Variants in SLC24A3 observed in about 807,000 individuals in gnomAD.
SLC24A3 encodes solute carrier family 24 member 3, also known as sodium/potassium/calcium exchanger 3.
Under a neutral mutation model 75.8 loss-of-function variants are expected in SLC24A3, and 28 were observed. The ratio of observed to expected loss-of-function variants is 0.37; its 90% CI spans 0.27 to 0.51. The LOEUF (loss-of-function observed/expected upper bound fraction) is 0.51. Ranked by LOEUF, SLC24A3 falls within the 20% of genes least tolerant of loss-of-function variation. The pLI is 0.94. For missense variants in SLC24A3, 663 were observed against 847.8 expected, an observed-to-expected ratio of 0.78 and a Z score of 2.71; for synonymous variants, 372 against 334.1, an observed-to-expected ratio of 1.11 and a Z score of -1.24.
intron 1 of SLC24A3, among the ~76,000 whole-genome samples, chr20:19,270,510 A>T (rs766991788): frequency 3.3e-5 from 5 of 152,150 alleles, no homozygotes; most frequent in Admixed American, 6.5e-5. Context: ...GGTTCTGGTG[A>T]GGGCCCTCTT....
intron 2 of SLC24A3, among the ~76,000 whole-genome samples, chr20:19,380,243 G>T (rs1158078862): frequency 6.6e-6 from 1 of 152,166 alleles, no homozygotes; most frequent in Non-Finnish European, 1.5e-5. Flanking sequence ...AAGGTTGCGG[G>T]AAGGCCTGTT....
At chr20:19,266,018 G>A (rs956126260) in intron 1 of SLC24A3, 12 of 152,652 alleles carry the variant, frequency 7.9e-5, no homozygotes, top group African/African-American at 2.7e-4. Context: ...AAAATCTGAG[G>A]TTGATTCTAA....
chr20:19,434,797 G>T, intron 2 of SLC24A3, among the ~76,000 whole-genome samples: 1 of 151,676 alleles, frequency 6.6e-6, no homozygotes. Flanking sequence ...TGCCTAATTA[G>T]GGAGAGTCAC....
intron 2 of SLC24A3, among the ~76,000 whole-genome samples, chr20:19,424,785 C>T (rs1286786508): frequency 7.0e-6 from 1 of 143,218 alleles, no homozygotes; most frequent in Non-Finnish European, 1.5e-5. Context: ...GAGCATAGGT[C>T]TCTAGGAGAA....
At chr20:19,588,527 T>A (rs190273301) in intron 6 of SLC24A3, among the ~76,000 whole-genome samples, 2 of 152,352 alleles carry the variant, frequency 1.3e-5, no homozygotes, top group Non-Finnish European at 2.9e-5. Flanking sequence ...TAACCCTCGC[T>A]TTGGTGTTCA....
chr20:19,217,487 C>T (rs1427129490), intron 1 of SLC24A3, among the ~76,000 whole-genome samples: 1 of 152,206 alleles, frequency 6.6e-6, no homozygotes, highest in Non-Finnish European at 1.5e-5. Flanking sequence ...TTTGAAATAT[C>T]TTCCATTCAT....
rs1175600664 is a variant in SLC24A3 at position 19,519,066 on chromosome 20, C to T, written c.348+3502C>T. Among the ~76,000 whole-genome samples, 3 of 152,154 alleles carry T rather than the reference C, an allele frequency of 2.0e-5. No homozygotes were observed. In the East Asian group the frequency reaches 5.8e-4, roughly 29 times the overall value. On this transcript the variant is annotated intron_variant, in intron 3 of 16. Transcript: ENST00000328041. ...AGAGAGGGCCATGGGGCTGTCTTTTCCTGGGGTTCACTGCTCGTAGTCATG... is the reference window on the plus strand; with the variant it reads ...AGAGAGGGCCATGGGGCTGTCTTTTTCTGGGGTTCACTGCTCGTAGTCATG...
chr20:19,559,080 C>T (rs1398312276), intron 3 of SLC24A3, among the ~76,000 whole-genome samples: 3 of 152,202 alleles, frequency 2.0e-5, no homozygotes, highest in Admixed American at 6.5e-5. Context: ...CTTTCACACT[C>T]CCACCAGCAA....
chr20:19,525,212 C>T (rs1158868456), intron 3 of SLC24A3, among the ~76,000 whole-genome samples: 2 of 152,292 alleles, frequency 1.3e-5, no homozygotes, highest in East Asian at 1.9e-4. Flanking sequence ...AGAGAAGCTT[C>T]CCTATCCCAG....
At chr20:19,306,653 G>C (rs568681597) in intron 2 of SLC24A3, among the ~76,000 whole-genome samples, 6 of 152,004 alleles carry the variant, frequency 3.9e-5, no homozygotes, top group Non-Finnish European at 7.4e-5. Flanking sequence ...TAAACATTGG[G>C]TACACATGGA....
intron 2 of SLC24A3, among the ~76,000 whole-genome samples, chr20:19,475,657 A>G (rs1427156177): frequency 2.0e-5 from 3 of 152,224 alleles, no homozygotes; most frequent in African/African-American, 7.2e-5. Context: ...TAAAATAAAT[A>G]GGAATTGACT....
Position 19,661,490 on chromosome 20 carries a change from A to T in SLC24A3, c.688-4374A>T, listed in dbSNP as rs569051789. On this transcript the variant is annotated intron_variant, in intron 7 of 16. Coordinates refer to ENST00000328041, the MANE Select transcript of SLC24A3 (RefSeq NM_020689.4). ...AGCTGAAGAAGTGAGAACTACACCC[A>T]CTCAAGGGAGTTCCCGTGATATTGA... Among the ~76,000 whole-genome samples the T allele has an allele frequency of 3.9e-5, 6 of 152,122 alleles. No homozygotes were observed. In the East Asian group the frequency reaches 1.2e-3, roughly 29 times the overall value.
chr20:19,532,267 A>T (rs141879197), intron 3 of SLC24A3, among the ~76,000 whole-genome samples: 1 of 152,354 alleles, frequency 6.6e-6, no homozygotes, highest in East Asian at 1.9e-4. Context: ...GCCAGCCTCA[A>T]GTCAAGCACA....
At chr20:19,410,396 G>A (rs2122419289) in intron 2 of SLC24A3, among the ~76,000 whole-genome samples, 1 of 152,288 alleles carries the variant, frequency 6.6e-6, no homozygotes, top group Middle Eastern at 3.4e-3. Context: ...ATGCATCTCA[G>A]GACACATTTA....
intron 2 of SLC24A3, among the ~76,000 whole-genome samples, chr20:19,438,332 C>T (rs1199123145): frequency 6.6e-6 from 1 of 152,128 alleles, no homozygotes; most frequent in Non-Finnish European, 1.5e-5. Flanking sequence ...TTTGTACAGC[C>T]GTTATTTCTG....
chr20:19,341,717 C>A (rs1985276814), intron 2 of SLC24A3, among the ~76,000 whole-genome samples: 1 of 152,192 alleles, frequency 6.6e-6, no homozygotes, highest in African/African-American at 2.4e-5. Flanking sequence ...AGTTTCCCAT[C>A]CTGTAGACCC....
chr20:19,314,777 T>C (rs1984545392), intron 2 of SLC24A3, among the ~76,000 whole-genome samples: 1 of 152,224 alleles, frequency 6.6e-6, no homozygotes, highest in African/African-American at 2.4e-5. Context: ...GGAAGGAATG[T>C]CAGCAAAGCT....
At chr20:19,531,545 C>T (rs113848204) in intron 3 of SLC24A3, among the ~76,000 whole-genome samples, 3,584 of 152,250 alleles carry the variant, frequency 0.024, 54 homozygotes, top group Non-Finnish European at 0.033. Flanking sequence ...GTACAATCCT[C>T]CCTATTTTAT....
chr20:19,358,007 G>C (rs143849183), intron 2 of SLC24A3, among the ~76,000 whole-genome samples: 1 of 152,334 alleles, frequency 6.6e-6, no homozygotes, highest in Non-Finnish European at 1.5e-5. Flanking sequence ...TTTCAGTTCA[G>C]TTACCACCAC....
Sources: gnomAD v4.1 joint callset for allele counts (sites outside exome capture counted in the v4.1 genomes callset) on GRCh38, gnomAD v4.1.1 for gene constraint, MANE v1.5 for transcripts, NCBI Gene and HGNC (gene_info 2026-07-23, HGNC 2026-07-21) for gene names.